Variants in PAX2 observed in about 807,000 individuals in gnomAD.
PAX2 encodes paired box 2, also known as paired box protein Pax-2.
A neutral mutation model predicts 41.7 loss-of-function variants in PAX2; 9 were observed. The ratio of observed to expected loss-of-function variants is 0.22; its 90% CI spans 0.13 to 0.38. The LOEUF is 0.38. Among genes scored for constraint, PAX2 ranks in the 10% least tolerant of loss-of-function variants. PAX2 has a pLI of 1.00. For synonymous variants in PAX2, 221 were observed against 212.7 expected (o/e 1.04, Z -0.34); for missense variants, 418 against 531.6 (o/e 0.79, Z 2.10).
chr10:100,801,140 G>A (rs571879886), intron 5 of PAX2, among the ~76,000 whole-genome samples: 9 of 152,184 alleles, frequency 5.9e-5, no homozygotes, highest in African/African-American at 2.2e-4. Context: ...CAGCTGTCAG[G>A]GCACCTGCCC....
At chr10:100,779,417 GC>G in intron 3 of PAX2, 80 bp from the exon 4 acceptor site, 1 of 1,165,352 alleles carries the variant, frequency 8.6e-7, no homozygotes, top group Non-Finnish European at 1.3e-6. Flanking sequence ...TTGGGAGAGA[GC>G]CCCTTTGCAG....
At chr10:100,766,964 A>T (rs1238614150) in intron 3 of PAX2, among the ~76,000 whole-genome samples, 1 of 152,234 alleles carries the variant, frequency 6.6e-6, no homozygotes, top group Non-Finnish European at 1.5e-5. Context: ...AGACACTGCC[A>T]CCAAACAATA....
chr10:100,781,431 T>C (rs1245082081), intron 5 of PAX2, 66 bp downstream of exon 5: 1 of 1,579,594 alleles, frequency 6.3e-7, no homozygotes, highest in African/African-American at 1.3e-5. Context: ...CAAGCTCCGG[T>C]TTCGGCCTGG....
intron 3 of PAX2, among the ~76,000 whole-genome samples, chr10:100,778,375 C>T (rs989947087): frequency 1.3e-5 from 2 of 152,196 alleles, no homozygotes; most frequent in African/African-American, 4.8e-5. Context: ...TACCTGATTC[C>T]CTCGGGTAAC....
intron 7 of PAX2, among the ~76,000 whole-genome samples, chr10:100,817,411 G>A (rs72843868): frequency 1.9e-3 from 296 of 152,340 alleles, no homozygotes; most frequent in Middle Eastern, 6.8e-3. Context: ...TCCATCCATG[G>A]TCCAGCTGAA....
chr10:100,758,193 T>G (rs1219836487), intron 3 of PAX2, among the ~76,000 whole-genome samples: 1 of 146,198 alleles, frequency 6.8e-6, no homozygotes, highest in Non-Finnish European at 1.5e-5. Flanking sequence ...CAGGCTGGAG[T>G]GCAATGGCAC....
intron 7 of PAX2, among the ~76,000 whole-genome samples, chr10:100,810,836 C>T (rs1257594759): frequency 6.6e-6 from 1 of 152,164 alleles, no homozygotes; most frequent in Non-Finnish European, 1.5e-5. Flanking sequence ...GAAGTGCCTC[C>T]ACCTTGAGCA....
At chr10:100,818,590 T>TG (rs1564743496) in intron 7 of PAX2, among the ~76,000 whole-genome samples, 1 of 152,230 alleles carries the variant, frequency 6.6e-6, no homozygotes, top group Non-Finnish European at 1.5e-5. Context: ...AGATATACAA[T>TG]GTCCATAACA....
rs1237426193 is a variant in PAX2 at position 100,779,548 on chromosome 10, C to T, written c.461C>T (p.Ala154Val). The part of the protein sequence containing the change: ...QQPFHPTPDG[A>V]GTGVTAPGHT... ...CCTTTCCACCCAACGCCGGATGGGG[C>T]TGGGACAGGAGTGACCGCCCCTGGC... is the stretch of plus-strand genomic sequence containing the variant. Residue 154 changes from alanine to valine, a missense_variant, in exon 4 of 10, where the codon GCT (alanine) becomes GTT (valine). Around this residue, in one of 2 missense-constraint regions of PAX2, gnomAD observed 310 missense variants for 325.2 expected, o/e 0.95. Coordinates refer to ENST00000355243, the MANE Select transcript of PAX2 (RefSeq NM_000278.5). 1 of 1,596,322 alleles carries T rather than the reference C, an allele frequency of 6.3e-7. No individual in the cohort carries two copies.
At chr10:100,782,623 G>A (rs1846677059) in intron 5 of PAX2, among the ~76,000 whole-genome samples, 1 of 152,262 alleles carries the variant, frequency 6.6e-6, no homozygotes, top group Admixed American at 6.5e-5. Flanking sequence ...CCTGGCGCTG[G>A]CCTCCTTCCA....
rs983043351 is a variant in PAX2, at chr10:100,748,955, A to G, written c.44-791A>G. 64 of 985,162 alleles carry G rather than the reference A, an allele frequency of 6.5e-5. No individual in the cohort carries two copies. Among genetic ancestry groups the G allele is most frequent in the Non-Finnish European group, 7.7e-5 (64 of 829,902 alleles). The allele number at this position is 985,162 out of a possible 1,614,324, so 61.0% of individuals were successfully genotyped here. A position where few individuals can be genotyped will look rare whatever the true frequency, so the allele number is the denominator to read the frequency against. ...GAGGCGCGGCAGGCAGGCGAGCCCA[A>G]GCAGCCGGCATTCTCTGCCTGCTGC... On this transcript the variant is annotated intron_variant, in intron 1 of 9. Transcript: ENST00000355243. This position sits in a 1 kb window ranked among gnomAD's most constrained non-coding sequence, Gnocchi z 5.0.
rs745873634 is a variant in PAX2 at position 100,827,696 on chromosome 10, G to A, written c.*77G>A. 13 of 1,611,704 alleles carry A rather than the reference G, an allele frequency of 8.1e-6. No homozygotes were observed. In the Admixed American group the frequency reaches 1.7e-4, roughly 21 times the overall value. On this transcript the variant is annotated 3_prime_UTR_variant, in exon 10 of 10. Coordinates refer to ENST00000355243, the MANE Select transcript of PAX2 (RefSeq NM_000278.5). The surrounding 1 kb of genome is among the most constrained non-coding windows in gnomAD (Gnocchi z 8.5). ...CGTCCCCGTCTGACCCCACCCCGGA[G>A]GGAGGGAGGACCGACGCGACGCGAT...
At chr10:100,744,196 C>T (rs544174004), upstream of PAX2, among the ~76,000 whole-genome samples, 47 of 152,296 alleles carry the variant, frequency 3.1e-4, 2 homozygotes, top group South Asian at 9.3e-3. Flanking sequence ...CGCGAGTCCG[C>T]CGCGCTTCCG....
chr10:100,746,269 G>C lies in PAX2; in HGVS notation c.9G>C (p.Met3Ile). Reference sequence around the variant, plus strand: ...CGCTCCTCTGCCTCCCCATGGATATGCACTGCAAAGCAGACCCCTTCTCCG... The same window carrying C: ...CGCTCCTCTGCCTCCCCATGGATATCCACTGCAAAGCAGACCCCTTCTCCG... MD[M>I]HCKADPFSAM... The change falls in exon 1 of 10, where the codon ATG (methionine) becomes ATC (isoleucine). Residue 3 changes from methionine to isoleucine, a missense_variant. Physicochemically the swap from Met to Ile is conservative, Grantham distance 10. Transcript: ENST00000355243. The C allele has an allele frequency of 6.2e-7, 1 of 1,613,330 alleles. No individual in the cohort carries two copies. Among genetic ancestry groups the C allele is most frequent in the East Asian group, 2.2e-5 (1 of 44,816 alleles).
intron 7 of PAX2, among the ~76,000 whole-genome samples, chr10:100,822,585 G>C: frequency 6.6e-6 from 1 of 152,206 alleles, no homozygotes; most frequent in East Asian, 1.9e-4. Context: ...GCTATGATAT[G>C]AAACATCAGG....
rs1845272041 is a variant in PAX2, at chr10:100,748,156, G to T, written c.44-1590G>T. 2.0e-6 allele frequency: 2 copies of T among 985,190 alleles called. No individual in the cohort carries two copies. The highest frequency in any genetic ancestry group is 2.4e-6 in the Non-Finnish European group (2 of 829,976). The allele number at this position is 985,190 out of a possible 1,614,324, so 61.0% of individuals were successfully genotyped here. A position where few individuals can be genotyped will look rare whatever the true frequency, so the allele number is the denominator to read the frequency against. ...TTCCCATCCCCACCCCTTAGACTGG[G>T]GCTGAGGGGCCGGGCCCTGAGCCCG... On this transcript the variant is annotated intron_variant, in intron 1 of 9. Transcript: ENST00000355243. The surrounding 1 kb of genome is among the most constrained non-coding windows in gnomAD (Gnocchi z 5.0).
At chr10:100,767,644 A>C (rs1376456879) in intron 3 of PAX2, among the ~76,000 whole-genome samples, 1 of 152,084 alleles carries the variant, frequency 6.6e-6, no homozygotes, top group African/African-American at 2.4e-5. Context: ...AGCAATTTTA[A>C]TATTTCTTCA....
chr10:100,785,300 G>A (rs954784257), intron 5 of PAX2, among the ~76,000 whole-genome samples: 5 of 152,214 alleles, frequency 3.3e-5, no homozygotes, highest in South Asian at 2.1e-4. Context: ...GTATTGAAGC[G>A]CAGGGCAGTT....
intron 7 of PAX2, among the ~76,000 whole-genome samples, chr10:100,822,098 C>G (rs551295671): frequency 5.5e-4 from 83 of 152,278 alleles, no homozygotes; most frequent in Non-Finnish European, 1.0e-3. Context: ...AAACCCACAT[C>G]AAAGCAAACA....
Sources: gnomAD v4.1 joint callset for allele counts (sites outside exome capture counted in the v4.1 genomes callset) on GRCh38, gnomAD v4.1.1 for gene constraint, gnomAD v4.1.1 regional missense constraint, Gnocchi (gnomAD v3.1) non-coding constraint, MANE v1.5 for transcripts, NCBI Gene and HGNC (gene_info 2026-07-23, HGNC 2026-07-21) for gene names.